YWHAQ: variants seen among roughly 807,000 people sequenced by gnomAD.
YWHAQ encodes the protein 14-3-3 protein theta.
A neutral mutation model predicts 28.3 loss-of-function variants in YWHAQ; 6 were observed. That is an observed-to-expected ratio of 0.21 (90% confidence interval 0.12 to 0.42). The LOEUF (loss-of-function observed/expected upper bound fraction) is 0.42, where lower values mean the gene tolerates loss of function less well. Among genes scored for constraint, YWHAQ ranks in the 10% least tolerant of loss-of-function variants. The pLI is 1.00. For synonymous variants in YWHAQ, 143 were observed against 119.1 expected, an observed-to-expected ratio of 1.20 and a Z score of -1.31; for missense variants, 201 against 305.6, an observed-to-expected ratio of 0.66 and a Z score of 2.55.
intron 2 of YWHAQ, among the ~76,000 whole-genome samples, chr2:9,600,428 C>T (rs991895161): frequency 2.4e-4 from 37 of 152,084 alleles, no homozygotes; most frequent in African/African-American, 6.8e-4. Flanking sequence ...GTTTGAGGGC[C>T]GGGTGTGGTG....
At position 9,630,542 on chromosome 2, in the gene YWHAQ, G is replaced by A. The variant is rs960447911; in HGVS notation, c.-82-8C>T. 44 of 1,293,518 alleles carry A rather than the reference G, an allele frequency of 3.4e-5. No homozygotes were observed. Among genetic ancestry groups the A allele is most frequent in the Non-Finnish European group, 4.3e-5 (42 of 970,812 alleles). 80.1% of individuals were successfully genotyped at this position (1,293,518 alleles called of 1,614,324 possible). A position where few individuals can be genotyped will look rare whatever the true frequency, so the allele number is the denominator to read the frequency against. On this transcript the variant is annotated splice_polypyrimidine_tract_variant and splice_region_variant and intron_variant, in intron 1 of 5. Transcript: ENST00000238081. The surrounding 1 kb of genome is among the most constrained non-coding windows in gnomAD (Gnocchi z 5.6). ...CGGGAGGAGCCTCGAGAGCTGCGGA[G>A]GGGCGGGGCGGCGAGGCGAGAACAA...
In YWHAQ at chr2:9,610,366, G is replaced by A. The variant is rs1666919396; in HGVS notation, c.295-18851C>T. ...AGTTCTTAATTCATAGGGTTGTTGT[G>A]AAGATTAAATGAGTTAACACAAACT... On this transcript the variant is annotated intron_variant, in intron 2 of 5. Coordinates refer to ENST00000238081, the MANE Select transcript of YWHAQ (RefSeq NM_006826.4). 2.0e-5 allele frequency among the ~76,000 whole-genome samples: 3 copies of A among 152,152 alleles called. No individual in the cohort carries two copies. In the South Asian group the frequency reaches 6.2e-4, roughly 31 times the overall value.
At chr2:9,593,071 G>T (rs1478720593) in intron 2 of YWHAQ, among the ~76,000 whole-genome samples, 1 of 152,064 alleles carries the variant, frequency 6.6e-6, no homozygotes, top group Non-Finnish European at 1.5e-5. Flanking sequence ...ATACCAAGTT[G>T]GCAAGTCTGG....
chr2:9,601,243 C>G (rs1228861348), intron 2 of YWHAQ, among the ~76,000 whole-genome samples: 2 of 152,124 alleles, frequency 1.3e-5, no homozygotes, highest in South Asian at 4.1e-4. Context: ...GGGTGGATCA[C>G]CTGAAGTCAA....
At chr2:9,624,262 AAAAAC>A (rs1383510561) in intron 2 of YWHAQ, among the ~76,000 whole-genome samples, 1 of 152,222 alleles carries the variant, frequency 6.6e-6, no homozygotes, top group African/African-American at 2.4e-5. Context: ...TCTCAAAAAT[AAAAAC>A]AAATCAAATC....
At chr2:9,613,110 T>C (rs1025988973) in intron 2 of YWHAQ, among the ~76,000 whole-genome samples, 1 of 152,326 alleles carries the variant, frequency 6.6e-6, no homozygotes, top group African/African-American at 2.4e-5. Context: ...CTACTACCTC[T>C]TCCTTATCCT....
At chr2:9,598,012 TTA>T (rs1491322524) in intron 2 of YWHAQ, among the ~76,000 whole-genome samples, 11 of 132,172 alleles carry the variant, frequency 8.3e-5, no homozygotes, top group Admixed American at 2.3e-4. Context: ...TTTTTTTTTT[TTA>T]GTAGAGACAA....
intron 2 of YWHAQ, among the ~76,000 whole-genome samples, chr2:9,607,252 G>A (rs891941252): frequency 8.0e-5 from 12 of 149,322 alleles, no homozygotes; most frequent in African/African-American, 2.7e-4. Flanking sequence ...CCAGGCTGGA[G>A]TGCAGTGGTG....
chr2:9,615,821 C>G (rs571839761), intron 2 of YWHAQ, among the ~76,000 whole-genome samples: 7 of 151,996 alleles, frequency 4.6e-5, no homozygotes, highest in Non-Finnish European at 8.8e-5. Flanking sequence ...TCAAAGAACA[C>G]GATTCTAGAA....
chr2:9,606,347 C>T (rs1168423245), intron 2 of YWHAQ, among the ~76,000 whole-genome samples: 1 of 152,108 alleles, frequency 6.6e-6, no homozygotes, highest in Non-Finnish European at 1.5e-5. Flanking sequence ...AGGCAGACTG[C>T]CTGAGCTCAG....
chr2:9,604,332 C>T (rs992722280), intron 2 of YWHAQ, among the ~76,000 whole-genome samples: 1 of 152,052 alleles, frequency 6.6e-6, no homozygotes, highest in African/African-American at 2.4e-5. Flanking sequence ...CTGAAGGTGA[C>T]TTTCTTTATA....
intron 2 of YWHAQ, among the ~76,000 whole-genome samples, chr2:9,629,234 A>T (rs1667307619): frequency 6.6e-6 from 1 of 152,208 alleles, no homozygotes; most frequent in Non-Finnish European, 1.5e-5. Context: ...AAACCATATG[A>T]GATTATTTCC....
intron 2 of YWHAQ, among the ~76,000 whole-genome samples, chr2:9,618,422 T>C (rs1473461394): frequency 3.3e-5 from 5 of 152,244 alleles, no homozygotes; most frequent in Non-Finnish European, 7.3e-5. Flanking sequence ...CTTAGAGAAA[T>C]TAATTCTAAA....
chr2:9,618,641 C>CA (rs1222241182), intron 2 of YWHAQ, among the ~76,000 whole-genome samples: 1 of 151,686 alleles, frequency 6.6e-6, no homozygotes, highest in Non-Finnish European at 1.5e-5. Flanking sequence ...AGTTAGCTCA[C>CA]AGGCACATAC....
In YWHAQ at chr2:9,630,223, T is replaced by C. The variant is rs1452859677; in HGVS notation, c.230A>G (p.Gln77Arg). The C allele has an allele frequency of 2.5e-6, 4 of 1,614,090 alleles. No homozygotes were observed. Among genetic ancestry groups the C allele is most frequent in the Non-Finnish European group, 3.4e-6 (4 of 1,180,038 alleles). Residue 77 changes from glutamine to arginine, a missense_variant, in exon 2 of 6, where the codon CAG becomes CGG. Physicochemically the swap from Gln to Arg is conservative, Grantham distance 43 (BLOSUM62 1). Around this residue, in one of 2 missense-constraint regions of YWHAQ, gnomAD observed 162 missense variants for 213.9 expected, o/e 0.76. Transcript: ENST00000238081. This position sits in a 1 kb window ranked among gnomAD's most constrained non-coding sequence, Gnocchi z 5.6. ...TTTCTCCCGATAGTCCTTAATCAGC[T>C]GCAACTTCTTGTCGGAGGTGTCGGT... ...QKTDTSDKKL[Q>R]LIKDYREKVE...
intron 2 of YWHAQ, among the ~76,000 whole-genome samples, chr2:9,596,818 T>A (rs1232518847): frequency 6.6e-6 from 1 of 152,178 alleles, no homozygotes; most frequent in Non-Finnish European, 1.5e-5. Context: ...TTCTTTGGCC[T>A]CAGCCTCCCC....
At chr2:9,606,403 TAAAATAAAAATAAAAATA>T (rs144636528) in intron 2 of YWHAQ, among the ~76,000 whole-genome samples, 6 of 150,484 alleles carry the variant, frequency 4.0e-5, no homozygotes, top group Middle Eastern at 3.3e-3. Flanking sequence ...CCGTCTCTAC[TAAAATAAAAATAAAAATA>T]AAAATAAAAA....
At chr2:9,624,689 G>A (rs1241070043) in intron 2 of YWHAQ, among the ~76,000 whole-genome samples, 2 of 151,904 alleles carry the variant, frequency 1.3e-5, no homozygotes, top group Non-Finnish European at 2.9e-5. Context: ...GTGGGGAGTG[G>A]GTAAAATCAC....
chr2:9,606,547 T>C (rs1302839520), intron 2 of YWHAQ, among the ~76,000 whole-genome samples: 1 of 152,268 alleles, frequency 6.6e-6, no homozygotes, highest in Non-Finnish European at 1.5e-5. Context: ...GTATATTTTT[T>C]GAGACGGAGT....
Sources: gnomAD v4.1 joint callset for allele counts (sites outside exome capture counted in the v4.1 genomes callset) on GRCh38, gnomAD v4.1.1 for gene constraint, gnomAD v4.1.1 regional missense constraint, Gnocchi (gnomAD v3.1) non-coding constraint, MANE v1.5 for transcripts, NCBI Gene and HGNC (gene_info 2026-07-23, HGNC 2026-07-21) for gene names.